The following PLAUR variants were observed in gnomAD, a reference collection of about 807,000 sequenced individuals.
The protein encoded by PLAUR is urokinase plasminogen activator surface receptor.
In PLAUR, 22 loss-of-function variants were observed where a neutral mutation model predicts 33.4. The ratio of observed to expected loss-of-function variants is 0.66; its 90% CI spans 0.47 to 0.94. PLAUR has a LOEUF of 0.94. Among genes scored for constraint, PLAUR ranks in the 40% least tolerant of loss-of-function variants. PLAUR has a pLI of 0.00. For missense variants in PLAUR, 408 were observed against 434.7 expected (o/e 0.94, Z 0.55); for synonymous variants, 148 against 167.3 (o/e 0.88, Z 0.89).
intron 3 of PLAUR, among the ~76,000 whole-genome samples, chr19:43,664,720 C>A (rs962067406): frequency 2.0e-5 from 3 of 152,352 alleles, no homozygotes; most frequent in South Asian, 2.1e-4. Context: ...CCTCTTTCGA[C>A]TTCCCTTAAG....
At chr19:43,655,355 T>G in intron 5 of PLAUR, 84 bp downstream of exon 5, 3 of 1,366,346 alleles carry the variant, frequency 2.2e-6, no homozygotes, top group South Asian at 1.4e-5. Context: ...AGGACTTGAT[T>G]GCCAGAGAGT....
intron 2 of PLAUR, 91 bp from the exon 3 acceptor site, chr19:43,665,550 G>A (rs1408618183): frequency 3.1e-6 from 4 of 1,304,170 alleles, no homozygotes; most frequent in Non-Finnish European, 1.1e-6. Context: ...CACTCCCAGG[G>A]CTGATCTCTG....
chr19:43,663,318 CA>C (rs1335297121), intron 3 of PLAUR, among the ~76,000 whole-genome samples: 1 of 146,362 alleles, frequency 6.8e-6, no homozygotes, highest in Admixed American at 6.8e-5. Flanking sequence ...CACACACACA[CA>C]CACACACACA....
intron 3 of PLAUR, among the ~76,000 whole-genome samples, chr19:43,662,573 G>C (rs1967048289): frequency 6.6e-6 from 1 of 152,150 alleles, no homozygotes; most frequent in Non-Finnish European, 1.5e-5. Flanking sequence ...AGTGCTCCCA[G>C]GACAATGTCT....
intron 3 of PLAUR, among the ~76,000 whole-genome samples, chr19:43,659,167 C>CTTTTTTTCTTTTTTTT (rs1555780395): frequency 3.1e-5 from 3 of 97,138 alleles, no homozygotes; most frequent in African/African-American, 1.2e-4. Flanking sequence ...CTTTTCTTTT[C>CTTTTTTTCTTTTTTTT]TTTTTTTTTT....
downstream of PLAUR, among the ~76,000 whole-genome samples, chr19:43,647,811 A>C (rs1973848315): frequency 1.3e-5 from 2 of 151,990 alleles, no homozygotes; most frequent in South Asian, 4.1e-4. Context: ...ATCTCAAAAA[A>C]AGAAAAGAAA....
intron 3 of PLAUR, among the ~76,000 whole-genome samples, chr19:43,658,733 T>G (rs1203739031): frequency 1.3e-5 from 2 of 152,150 alleles, no homozygotes; most frequent in African/African-American, 4.8e-5. Context: ...GAGAGGACCA[T>G]GTCAGCCAAG....
At chr19:43,663,545 G>A (rs544557566) in intron 3 of PLAUR, among the ~76,000 whole-genome samples, 1 of 152,204 alleles carries the variant, frequency 6.6e-6, no homozygotes, top group Admixed American at 6.5e-5. Flanking sequence ...ACTTTGGGAG[G>A]CTGAGGCGGG....
intron 1 of PLAUR, among the ~76,000 whole-genome samples, chr19:43,668,653 G>A (rs1253784524): frequency 2.9e-5 from 3 of 102,594 alleles, no homozygotes; most frequent in Admixed American, 1.1e-4. Context: ...TCCTCCCCAA[G>A]CTTATAACCC....
downstream of PLAUR, chr19:43,646,691 T>C: frequency 1.7e-6 from 1 of 603,568 alleles, no homozygotes; most frequent in Non-Finnish European, 3.0e-6. Flanking sequence ...ACCTCACTTC[T>C]TTAAGCCACT....
chr19:43,659,167 C>CTTTTTTTTTTT lies in PLAUR; in HGVS notation c.311-2538_311-2528dup, dbSNP rs3052823. Among the ~76,000 whole-genome samples the CTTTTTTTTTTT allele has an allele frequency of 7.7e-4, 75 of 97,134 alleles. 12 individuals carry two copies. The highest frequency in any genetic ancestry group is 2.1e-3 in the South Asian group (6 of 2,820). The allele number at this position is 97,134 out of a possible 152,430, so 63.7% of individuals were successfully genotyped here. ...GCTATTTTCCTTTTTCTTTTCTTTT[C>CTTTTTTTTTTT]TTTTTTTTTTTTTTTGAGATAGGGT... On this transcript the variant is annotated intron_variant, in intron 3 of 6. Transcript: ENST00000340093.
At chr19:43,668,308 T>C (rs1967353177) in intron 1 of PLAUR, 1 of 986,548 alleles carries the variant, frequency 1.0e-6, no homozygotes. Flanking sequence ...GTCTCCGCCC[T>C]CCAGCTCTCC....
intron 1 of PLAUR, among the ~76,000 whole-genome samples, chr19:43,669,003 C>G (rs996011494): frequency 6.6e-6 from 1 of 152,190 alleles, no homozygotes; most frequent in African/African-American, 2.4e-5. Flanking sequence ...CGGGCCTTCC[C>G]GGACATCCCT....
At chr19:43,659,167 CT>C (rs3052823) in intron 3 of PLAUR, among the ~76,000 whole-genome samples, 6 of 97,138 alleles carry the variant, frequency 6.2e-5, no homozygotes, top group African/African-American at 2.4e-4. Flanking sequence ...CTTTTCTTTT[CT>C]TTTTTTTTTT....
intron 5 of PLAUR, among the ~76,000 whole-genome samples, chr19:43,653,477 C>T (rs1974079212): frequency 6.6e-6 from 1 of 152,154 alleles, no homozygotes; most frequent in African/African-American, 2.4e-5. Context: ...GGCCATGAGA[C>T]CAGATGGGCT....
Position 43,655,493 on chromosome 19 carries a change from C to T in PLAUR, c.553G>A (p.Asp185Asn), listed in dbSNP as rs1555779705. 1.2e-5 allele frequency: 19 copies of T among 1,614,142 alleles called. No homozygotes were observed. The highest frequency in any genetic ancestry group is 1.1e-4 in the South Asian group (10 of 91,066). ...CAGCATTTCAGGAAGTGGAAGGTGT[C>T]GTTGTTGTGGAAACCATTGGAGCCC... The part of the protein sequence containing the change: ...CPGSNGFHNN[D>N]TFHFLKCCNT... Residue 185 changes from aspartate to asparagine, a missense_variant, in exon 5 of 7, where the codon GAC becomes AAC. By Grantham distance (23) the Asp-to-Asn change is conservative. Coordinates refer to ENST00000340093, the MANE Select transcript of PLAUR (RefSeq NM_002659.4).
chr19:43,659,802 C>T (rs4251855), intron 3 of PLAUR, among the ~76,000 whole-genome samples: 17,543 of 152,262 alleles, frequency 0.12, 1,094 homozygotes, highest in East Asian at 0.24. Context: ...CTTCTAGCTC[C>T]TTAATCCTTT....
Position 43,656,472 on chromosome 19 carries a change from G to A in PLAUR, c.472+7C>T, listed in dbSNP as rs763197865. 6.3e-7 allele frequency: 1 copy of A among 1,575,572 alleles called. No homozygotes were observed. The highest frequency in any genetic ancestry group is 1.8e-5 in the Admixed American group (1 of 56,098). Reference sequence around the variant, plus strand: ...GGAGGAGGAGTTGCCAGCAGGTTGGGGCTCACCTTCTTCACCTTCCTGGAT... The same window carrying A: ...GGAGGAGGAGTTGCCAGCAGGTTGGAGCTCACCTTCTTCACCTTCCTGGAT... On this transcript the variant is annotated splice_region_variant and intron_variant, in intron 4 of 6. Transcript: ENST00000340093.
At chr19:43,666,327 C>G (rs955306976) in intron 2 of PLAUR, among the ~76,000 whole-genome samples, 1 of 152,014 alleles carries the variant, frequency 6.6e-6, no homozygotes, top group African/African-American at 2.4e-5. Flanking sequence ...GAGATGTGTC[C>G]ACATTGGTAT....
Sources: gnomAD v4.1 joint callset for allele counts (sites outside exome capture counted in the v4.1 genomes callset) on GRCh38, gnomAD v4.1.1 for gene constraint, MANE v1.5 for transcripts, NCBI Gene and HGNC (gene_info 2026-07-23, HGNC 2026-07-21) for gene names.